Variants in ARHGEF4 observed in about 807,000 individuals in gnomAD.
ARHGEF4 encodes the protein Rho guanine nucleotide exchange factor 4, also known as APC-stimulated guanine nucleotide exchange factor 1.
A neutral mutation model predicts 162.0 loss-of-function variants in ARHGEF4; 119 were observed. That is an observed-to-expected ratio of 0.73 (90% confidence interval 0.63 to 0.86). ARHGEF4 has a LOEUF of 0.86. Ranked by LOEUF, ARHGEF4 falls within the 40% of genes least tolerant of loss-of-function variation. ARHGEF4 has a pLI of 0.00. For missense variants in ARHGEF4, 2,488 were observed against 2,456.0 expected (o/e 1.01, Z -0.28); for synonymous variants, 1,014 against 979.9 (o/e 1.03, Z -0.65).
chr2:130,913,075 G>A (rs1429007985), intron 1 of ARHGEF4, among the ~76,000 whole-genome samples: 1 of 152,180 alleles, frequency 6.6e-6, no homozygotes. Context: ...GGGGGGAGTG[G>A]TTCAGGCATC....
At position 130,915,650 on chromosome 2, in the gene ARHGEF4, C is replaced by G. The variant is rs3739130; in HGVS notation, c.1704C>G (p.Ala568=). Residue 568 remains alanine (A), a synonymous_variant, in exon 2 of 14, where the codon GCC becomes GCG. Transcript: ENST00000409359. ...KSSAIDTSKA[A]EEAMVLDPNY... is the part of the protein sequence containing the mutation. Reference sequence around the variant, plus strand: ...GCGCAATAGACACTTCAAAGGCAGCCGAAGAAGCCATGGTTCTAGACCCCA... The same window carrying G: ...GCGCAATAGACACTTCAAAGGCAGCGGAAGAAGCCATGGTTCTAGACCCCA... 3.9e-6 allele frequency: 6 copies of G among 1,550,250 alleles called. No individual in the cohort carries two copies. The highest frequency in any genetic ancestry group is 5.2e-6 in the Non-Finnish European group (6 of 1,146,986).
intron 4 of ARHGEF4, among the ~76,000 whole-genome samples, chr2:131,016,137 C>T (rs1210203675): frequency 6.6e-6 from 1 of 152,164 alleles, no homozygotes; most frequent in African/African-American, 2.4e-5. Flanking sequence ...TCCCTGTTGC[C>T]TGGAACACTC....
intron 4 of ARHGEF4, among the ~76,000 whole-genome samples, chr2:130,994,607 C>G (rs1470419016): frequency 6.6e-6 from 1 of 152,098 alleles, no homozygotes; most frequent in Non-Finnish European, 1.5e-5. Context: ...TTTATGTTTT[C>G]CCATATACTT....
intron 10 of ARHGEF4, among the ~76,000 whole-genome samples, chr2:131,042,214 C>T (rs1336325453): frequency 6.6e-6 from 1 of 152,212 alleles, no homozygotes; most frequent in Non-Finnish European, 1.5e-5. Flanking sequence ...AAGCCCTCAA[C>T]AGAGGAAGTG....
intron 5 of ARHGEF4, chr2:131,035,613 C>A: frequency 1.0e-6 from 1 of 978,780 alleles, no homozygotes; most frequent in South Asian, 4.8e-5. Context: ...GTGAGCGACC[C>A]GCGCTTGCAT....
intron 2 of ARHGEF4, among the ~76,000 whole-genome samples, chr2:130,918,481 G>A (rs1240615310): frequency 6.6e-6 from 1 of 152,226 alleles, no homozygotes; most frequent in Non-Finnish European, 1.5e-5. Context: ...TAGACCAAGC[G>A]ATGCCGAGTC....
At chr2:130,888,372 G>A (rs1045504377) in intron 1 of ARHGEF4, among the ~76,000 whole-genome samples, 3 of 151,886 alleles carry the variant, frequency 2.0e-5, no homozygotes, top group African/African-American at 7.3e-5. Flanking sequence ...TGGAGAGTCT[G>A]AGGCAGGAGA....
intron 1 of ARHGEF4, 111 bp from the exon 2 acceptor site, chr2:130,913,875 T>A: frequency 7.6e-7 from 1 of 1,319,584 alleles, no homozygotes; most frequent in Non-Finnish European, 1.0e-6. Flanking sequence ...CATGGGGAAC[T>A]AATGAGCCAT....
chr2:130,838,697 G>C (rs1184775326), intron 1 of ARHGEF4, among the ~76,000 whole-genome samples: 1 of 152,226 alleles, frequency 6.6e-6, no homozygotes, highest in Non-Finnish European at 1.5e-5. Context: ...GTGTGTTTAT[G>C]AAGTGGTGAG....
At chr2:131,006,812 C>T (rs1688141743) in intron 4 of ARHGEF4, among the ~76,000 whole-genome samples, 1 of 152,130 alleles carries the variant, frequency 6.6e-6, no homozygotes, top group African/African-American at 2.4e-5. Flanking sequence ...GGCTGAAAGA[C>T]CAAGTCCAAG....
At chr2:131,003,162 C>T (rs1170618995) in intron 4 of ARHGEF4, among the ~76,000 whole-genome samples, 1 of 152,166 alleles carries the variant, frequency 6.6e-6, no homozygotes, top group Non-Finnish European at 1.5e-5. Flanking sequence ...GGCATCAACT[C>T]TCTAAAGCAC....
chr2:130,879,565 G>A (rs1679066055), intron 1 of ARHGEF4, among the ~76,000 whole-genome samples: 1 of 151,992 alleles, frequency 6.6e-6, no homozygotes, highest in African/African-American at 2.4e-5. Context: ...CTGAAATTTT[G>A]TGTCTTTTGA....
At position 131,040,293 on chromosome 2, in the gene ARHGEF4, C is replaced by G. The variant is rs746393820; in HGVS notation, c.4515C>G (p.Asp1505Glu). The G allele has an allele frequency of 1.9e-6, 3 of 1,613,062 alleles. No homozygotes were observed. Among genetic ancestry groups the G allele is most frequent in the Non-Finnish European group, 2.5e-6 (3 of 1,179,812 alleles). The stretch of plus-strand genomic sequence containing the variant: ...TCCGGCAGTGCCGCAAGCGCGCAGA[C>G]ATGTTCAGCGAGGAGCAGCTGCGTA... ...GYVRQCRKRA[D>E]MFSEEQLRTI... The change falls in exon 8 of 14, where the codon GAC (aspartate) becomes GAG (glutamate). Residue 1505 changes from aspartate (D) to glutamate (E), a missense_variant. This residue lies in a region of ARHGEF4 where 415 missense variants were observed against 512.4 expected (regional missense o/e 0.81). Transcript: ENST00000409359.
chr2:130,984,586 G>C (rs1053931664), intron 4 of ARHGEF4, among the ~76,000 whole-genome samples: 3 of 151,766 alleles, frequency 2.0e-5, no homozygotes, highest in African/African-American at 2.4e-5. Context: ...CTACTCGGGA[G>C]GCTGAGGCAG....
intron 10 of ARHGEF4, 127 bp from the exon 11 acceptor site, chr2:131,043,325 T>C (rs894216150): frequency 3.9e-6 from 5 of 1,291,986 alleles, no homozygotes; most frequent in African/African-American, 3.0e-5. Context: ...CCTCCCACCA[T>C]GGCCTGGCCA....
chr2:130,987,429 A>G (rs961533589), intron 4 of ARHGEF4, among the ~76,000 whole-genome samples: 1 of 152,166 alleles, frequency 6.6e-6, no homozygotes, highest in African/African-American at 2.4e-5. Context: ...CAAAAGAGCG[A>G]AAGGACAATG....
At chr2:131,043,868 C>G (rs1048909108) in intron 11 of ARHGEF4, among the ~76,000 whole-genome samples, 11 of 152,178 alleles carry the variant, frequency 7.2e-5, no homozygotes, top group African/African-American at 2.4e-4. Context: ...TCCCTGCAAA[C>G]CTCCACATCC....
chr2:130,916,174 G>C lies in ARHGEF4; in HGVS notation c.2228G>C (p.Ser743Thr), dbSNP rs1681478114. 4 of 1,548,656 alleles carry C rather than the reference G, an allele frequency of 2.6e-6. No homozygotes were observed. The highest frequency in any genetic ancestry group is 3.5e-6 in the Non-Finnish European group (4 of 1,146,826). ...PGERLRGESR[S>T]SGSGERGPEE... ...GAGAGACTGCGTGGGGAGAGCCGGA[G>C]CTCCGGGTCAGGGGAGCGTGGCCCG... is the stretch of plus-strand genomic sequence containing the variant. The change falls in exon 2 of 14, where the codon AGC becomes ACC. Residue 743 changes from serine (S) to threonine (T), a missense_variant. By Grantham distance (58) the Ser-to-Thr change is moderately conservative. This residue lies in a region of ARHGEF4 where 1,642 missense variants were observed against 1,481.5 expected (regional missense o/e 1.11). Coordinates refer to ENST00000409359, the MANE Select transcript of ARHGEF4 (RefSeq NM_001367493.1).
At position 130,993,580 on chromosome 2, in the gene ARHGEF4, T is replaced by C. The variant is rs1311582011; in HGVS notation, c.3986-34365T>C. On this transcript the variant is annotated intron_variant, in intron 4 of 13. Coordinates refer to ENST00000409359, the MANE Select transcript of ARHGEF4 (RefSeq NM_001367493.1). The stretch of plus-strand genomic sequence containing the variant: ...TTTATTTTTTTCTATTTGCTTTATG[T>C]ATTTAGAGGCTATCTTAATAGAAGC... Among the ~76,000 whole-genome samples the C allele has an allele frequency of 2.0e-5, 3 of 152,142 alleles. No homozygotes were observed. In the East Asian group the frequency reaches 5.8e-4, roughly 29 times the overall value.
Sources: allele counts gnomAD v4.1 joint callset (sites outside exome capture counted in the v4.1 genomes callset), GRCh38; gene constraint gnomAD v4.1.1; regional missense constraint gnomAD v4.1.1; transcripts MANE v1.5; gene names NCBI Gene and HGNC (gene_info 2026-07-23, HGNC 2026-07-21).